The following PI4KA variants were observed in gnomAD, a reference collection of about 807,000 sequenced individuals.
The protein encoded by PI4KA is PI4-kinase alpha.
PI4KA carries 122 observed loss-of-function variants against 271.4 expected under a neutral mutation model. The observed-to-expected ratio is 0.45, with a 90% CI of 0.39 to 0.52. The LOEUF is 0.52. Ranked by LOEUF, PI4KA falls within the 20% of genes least tolerant of loss-of-function variation. The pLI, the probability that PI4KA is intolerant of heterozygous loss-of-function variation, is 0.00. For synonymous variants in PI4KA, 1,041 were observed against 1,078.8 expected, an observed-to-expected ratio of 0.96 and a Z score of 0.69; for missense variants, 1,969 against 2,769.1, an observed-to-expected ratio of 0.71 and a Z score of 6.48.
chr22:20,834,530 T>C (rs1204156633), intron 3 of PI4KA, 32 bp downstream of exon 3: 3 of 1,279,500 alleles, frequency 2.3e-6, no homozygotes, highest in South Asian at 2.4e-5. Flanking sequence ...GTATTTTCTC[T>C]TATATTCAGG....
At chr22:20,811,460 C>T (rs947967959) in intron 8 of PI4KA, among the ~76,000 whole-genome samples, 9 of 152,128 alleles carry the variant, frequency 5.9e-5, no homozygotes, top group Non-Finnish European at 1.3e-4. Context: ...CCTTCCTCTC[C>T]GGGCCAGGTG....
chr22:20,749,402 C>T (rs370797261), intron 28 of PI4KA, among the ~76,000 whole-genome samples: 3 of 152,242 alleles, frequency 2.0e-5, no homozygotes, highest in Admixed American at 1.3e-4. Context: ...TGGTTTACTT[C>T]GTGGCCATCT....
intron 7 of PI4KA, among the ~76,000 whole-genome samples, chr22:20,815,379 C>CGAA (rs1921649581): frequency 1.2e-5 from 1 of 83,970 alleles, no homozygotes; most frequent in Non-Finnish European, 2.4e-5. Flanking sequence ...GACTGCGTCT[C>CGAA]AAAAAAAAAA....
At position 20,820,544 on chromosome 22, in the gene PI4KA, T is replaced by A; in HGVS notation, c.524A>T (p.Asp175Val). The A allele has an allele frequency of 6.2e-7, 1 of 1,603,580 alleles. No homozygotes were observed. Among genetic ancestry groups the A allele is most frequent in the Non-Finnish European group, 8.5e-7 (1 of 1,172,488 alleles). Residue 175 changes from aspartate to valine, a missense_variant, in exon 5 of 55, where the codon GAC becomes GTC. By Grantham distance (152) the Asp-to-Val change is radical. Coordinates refer to ENST00000255882, the MANE Select transcript of PI4KA (RefSeq NM_058004.4). ...AACCTTAAGGATACTCGTACCTTTGTCTTGAATCTCCAAGGCCTGGCACAT... is the reference window on the plus strand; with the variant it reads ...AACCTTAAGGATACTCGTACCTTTGACTTGAATCTCCAAGGCCTGGCACAT... ...LGMCQALEIQ[D>V]KEYLCKYAIP...
At chr22:20,851,552 G>C (rs1487612018) in intron 1 of PI4KA, among the ~76,000 whole-genome samples, 2 of 152,116 alleles carry the variant, frequency 1.3e-5, no homozygotes, top group African/African-American at 4.8e-5. Context: ...TGGCCAGGCT[G>C]GTCTCGAACT....
chr22:20,807,432 G>C lies in PI4KA; in HGVS notation c.1098C>G (p.Tyr366Ter). ...GGTAGAGAGGGTCACTGAAGGAAGT[G>C]TAGTAGAGATCAGCACTGGGGTTGG... Reference protein sequence around the residue: ...MEANPSADLYYTSFSDPLYLT... With the variant: ...MEANPSADLY The change falls in exon 10 of 55, where the codon TAC (tyrosine) becomes TAG (stop). Residue 366 changes from tyrosine to a stop codon, truncating the protein, a stop_gained. Coordinates refer to ENST00000255882, the MANE Select transcript of PI4KA (RefSeq NM_058004.4). LOFTEE classifies it high-confidence loss of function. 4 of 1,612,740 alleles carry C rather than the reference G, an allele frequency of 2.5e-6. No individual in the cohort carries two copies. The highest frequency in any genetic ancestry group is 3.4e-6 in the Non-Finnish European group (4 of 1,178,720).
intron 3 of PI4KA, among the ~76,000 whole-genome samples, chr22:20,826,672 T>C (rs1340089925): frequency 6.6e-6 from 1 of 152,232 alleles, no homozygotes; most frequent in Non-Finnish European, 1.5e-5. Context: ...ACACCAGCAG[T>C]GTGTAAGTGT....
chr22:20,766,049 GA>G (rs1411711826), intron 19 of PI4KA, among the ~76,000 whole-genome samples: 30 of 152,278 alleles, frequency 2.0e-4, no homozygotes, highest in Admixed American at 7.2e-4. Flanking sequence ...ACTTAGCCAG[GA>G]AAGAAGAGAA....
Position 20,819,839 on chromosome 22 carries a change from G to A in PI4KA, c.591C>T (p.Tyr197=). The change falls in exon 6 of 55, where the codon TAC becomes TAT. Residue 197 remains tyrosine (Y), a synonymous_variant. Transcript: ENST00000255882. ...LIGISRAFGR[Y]SNMEESLLSK... ...AGAGGAGAGACTCTTCCATGTTGCT[G>A]TAACGCCCAAATGCTCGCGAGATTC... 3 of 1,613,900 alleles carry A rather than the reference G, an allele frequency of 1.9e-6. No individual in the cohort carries two copies. The highest frequency in any genetic ancestry group is 2.5e-6 in the Non-Finnish European group (3 of 1,179,762).
chr22:20,786,959 AC>A, intron 19 of PI4KA: 1 of 1,614,064 alleles, frequency 6.2e-7, no homozygotes, highest in Non-Finnish European at 8.5e-7. Flanking sequence ...GCCGCTGTCC[AC>A]CCAAGTCCGC....
chr22:20,855,265 T>C (rs1334903384), intron 1 of PI4KA, among the ~76,000 whole-genome samples: 2 of 151,596 alleles, frequency 1.3e-5, no homozygotes, highest in East Asian at 3.8e-4. Context: ...ACATATTTTA[T>C]ATATATATAT....
chr22:20,820,920 C>T (rs998969244), intron 4 of PI4KA, among the ~76,000 whole-genome samples: 2 of 152,218 alleles, frequency 1.3e-5, no homozygotes, highest in Admixed American at 6.5e-5. Context: ...TGATGGGTCC[C>T]CAAATCTTCT....
chr22:20,735,507 G>T (rs879983980), intron 32 of PI4KA, among the ~76,000 whole-genome samples: 2 of 123,100 alleles, frequency 1.6e-5, no homozygotes, highest in East Asian at 4.7e-4. Context: ...TGGCTGAGGC[G>T]GCCACTGTTC....
chr22:20,790,688 TAA>T (rs759603129), intron 19 of PI4KA, among the ~76,000 whole-genome samples: 9 of 108,482 alleles, frequency 8.3e-5, no homozygotes, highest in Admixed American at 2.1e-4. Context: ...TAAAAAAATT[TAA>T]AAAAAACAAA....
chr22:20,785,278 C>CA (rs989315973), intron 19 of PI4KA, among the ~76,000 whole-genome samples: 5 of 152,170 alleles, frequency 3.3e-5, no homozygotes, highest in African/African-American at 1.2e-4. Flanking sequence ...CTGTGTTGCC[C>CA]AGGCTGGTCT....
At chr22:20,714,871 G>A (rs1450198018) in intron 45 of PI4KA, among the ~76,000 whole-genome samples, 171 bp from the exon 46 acceptor site, 1 of 152,150 alleles carries the variant, frequency 6.6e-6, no homozygotes, top group East Asian at 1.9e-4. Context: ...TTCCATGGCC[G>A]CTAAGGGTCC....
intron 23 of PI4KA, among the ~76,000 whole-genome samples, chr22:20,757,991 C>T (rs1175693964): frequency 6.6e-6 from 1 of 152,180 alleles, no homozygotes; most frequent in African/African-American, 2.4e-5. Flanking sequence ...TTGTCTAGCA[C>T]AAGCTTTTCC....
At chr22:20,710,969 C>T (rs1364012651) in intron 51 of PI4KA, 111 bp from the exon 52 acceptor site, 11 of 1,196,382 alleles carry the variant, frequency 9.2e-6, no homozygotes, top group East Asian at 2.4e-5. Context: ...CCCCCTCCAC[C>T]CCCAACAGGC....
At position 20,779,484 on chromosome 22, in the gene PI4KA, G is replaced by A. The variant is rs199694909; in HGVS notation, c.2328+13709C>T. On this transcript the variant is annotated intron_variant, in intron 19 of 54. Transcript: ENST00000255882. ...CCTGAGCATGCCTCTTCTCCCTGCC[G>A]ACTTCCACAAGGAAAACACCGTCAC... 35 of 1,613,984 alleles carry A rather than the reference G, an allele frequency of 2.2e-5. 1 individual carries two copies. Among genetic ancestry groups the A allele is most frequent in the South Asian group, 2.1e-4 (19 of 91,088 alleles).
Sources: allele counts gnomAD v4.1 joint callset (sites outside exome capture counted in the v4.1 genomes callset), GRCh38; gene constraint gnomAD v4.1.1; transcripts MANE v1.5; gene names NCBI Gene and HGNC (gene_info 2026-07-23, HGNC 2026-07-21).